Variants in ZNF528 observed in about 807,000 individuals in gnomAD.
The protein encoded by ZNF528 is zinc finger protein 528.
Under a neutral mutation model 13.3 loss-of-function variants are expected in ZNF528, and 9 were observed. The ratio of observed to expected loss-of-function variants is 0.67; its 90% CI spans 0.41 to 1.18. The LOEUF (loss-of-function observed/expected upper bound fraction) is 1.18, where lower values mean the gene tolerates loss of function less well. ZNF528 is among the 50% of genes most tolerant of loss of function. The probability of loss-of-function intolerance (pLI) is 0.01; values close to 1 mark genes in which losing one functional copy is unlikely to be tolerated. For synonymous variants in ZNF528, 264 were observed against 254.3 expected, an observed-to-expected ratio of 1.04 and a Z score of -0.36; for missense variants, 858 against 745.4, an observed-to-expected ratio of 1.15 and a Z score of -1.76.
chr19:52,400,604 C>T (rs540140222), intron 2 of ZNF528, among the ~76,000 whole-genome samples: 1 of 152,116 alleles, frequency 6.6e-6, no homozygotes, highest in African/African-American at 2.4e-5. Flanking sequence ...TCACCATAAC[C>T]TCAAACCCCT....
In ZNF528 at chr19:52,409,801, C is replaced by T. The variant is rs113755786; in HGVS notation, c.271+3158C>T. On this transcript the variant is annotated intron_variant, in intron 6 of 6. Coordinates refer to ENST00000360465, the MANE Select transcript of ZNF528 (RefSeq NM_032423.3). ...GCATGATCTTGTCTCACTTCAACCT[C>T]CACATCCAAGATTCAAGCAATTCTC... Among the ~76,000 whole-genome samples the T allele has an allele frequency of 7.6e-3, 1,162 of 152,174 alleles. 16 individuals are homozygous for T. Among genetic ancestry groups the T allele is most frequent in the African/African-American group, 0.027 (1,113 of 41,494 alleles).
At position 52,397,921 on chromosome 19, in the gene ZNF528, C is replaced by T. The variant is rs1242769063; in HGVS notation, c.-390+17C>T. On this transcript the variant is annotated intron_variant, in intron 1 of 6. Coordinates refer to ENST00000360465, the MANE Select transcript of ZNF528 (RefSeq NM_032423.3). ...CAGCAGTGCGTGAGTTTCCCTTTGT[C>T]TATGTTAAGTCTAGGCTAGCCAGTT... The T allele has an allele frequency of 2.0e-5, 3 of 152,232 alleles. No individual in the cohort carries two copies. Among genetic ancestry groups the T allele is most frequent in the African/African-American group, 2.4e-5 (1 of 41,460 alleles). The allele number at this position is 152,232 out of a possible 1,614,324, so 9.4% of individuals were successfully genotyped here.
Position 52,415,529 on chromosome 19 carries a change from C to G in ZNF528, c.677C>G (p.Ser226Ter). The G allele has an allele frequency of 1.2e-6, 2 of 1,614,142 alleles. 1 individual carries two copies. Residue 226 changes from serine (S) to a stop codon, truncating the protein, a stop_gained, in exon 7 of 7, where the codon TCA (serine) becomes TGA (stop). Coordinates refer to ENST00000360465, the MANE Select transcript of ZNF528 (RefSeq NM_032423.3). LOFTEE classifies it low-confidence loss of function (END_TRUNC). The stretch of plus-strand genomic sequence containing the variant: ...TGTGGCAAGGTCTTTAGTTGCAGTT[C>G]AAAGCTTGTGATACATCGAAGAATG... ...SECGKVFSCS[S>*]KLVIHRRMHT...
chr19:52,402,276 G>A (rs2058803588), intron 4 of ZNF528, among the ~76,000 whole-genome samples: 2 of 152,146 alleles, frequency 1.3e-5, no homozygotes, highest in African/African-American at 4.8e-5. Context: ...GGATGGAGAC[G>A]GGGTGTGGGT....
In ZNF528 at chr19:52,415,445, C is replaced by CT; in HGVS notation, c.594dup (p.Ala199CysfsTer5). On this transcript the variant is annotated frameshift_variant, in exon 7 of 7. Transcript: ENST00000360465. LOFTEE classifies it low-confidence loss of function (END_TRUNC). Reference sequence around the variant, plus strand: ...GAGCACGGCCAAGTCTTTAGAGCATCTGCAAGCCTTACTAACCAAGTAATC... The same window carrying CT: ...GAGCACGGCCAAGTCTTTAGAGCATCTTGCAAGCCTTACTAACCAAGTAATC... 6.2e-7 allele frequency: 1 copy of CT among 1,614,222 alleles called. No homozygotes were observed. Among genetic ancestry groups the CT allele is most frequent in the Non-Finnish European group, 8.5e-7 (1 of 1,180,038 alleles).
rs116266606 is a variant in ZNF528 at position 52,399,937 on chromosome 19, C to T, written c.-137+1318C>T. Among the ~76,000 whole-genome samples the T allele has an allele frequency of 8.7e-3, 1,332 of 152,242 alleles. 16 individuals carry two copies. The highest frequency in any genetic ancestry group is 0.031 in the African/African-American group (1,273 of 41,530). ...TGATCACTAAAGGTGAGGGATTCTC[C>T]TTTGGGTGTGAGAGTAGTAAAAACA... On this transcript the variant is annotated intron_variant, in intron 2 of 6. Coordinates refer to ENST00000360465, the MANE Select transcript of ZNF528 (RefSeq NM_032423.3).
chr19:52,415,575 C>T lies in ZNF528; in HGVS notation c.723C>T (p.Tyr241=). 1 of 1,614,174 alleles carries T rather than the reference C, an allele frequency of 6.2e-7. No individual in the cohort carries two copies. The highest frequency in any genetic ancestry group is 8.5e-7 in the Non-Finnish European group (1 of 1,180,026). The change falls in exon 7 of 7, where the codon TAC becomes TAT. Residue 241 remains tyrosine (Y), a synonymous_variant. Coordinates refer to ENST00000360465, the MANE Select transcript of ZNF528 (RefSeq NM_032423.3). The part of the protein sequence containing the change: ...HRRMHTGEKP[Y]KCHECGKLFS... ...GAATGCATACTGGAGAGAAGCCTTACAAATGTCATGAATGTGGCAAGCTCT... is the reference window on the plus strand; with the variant it reads ...GAATGCATACTGGAGAGAAGCCTTATAAATGTCATGAATGTGGCAAGCTCT...
rs1291807857 is a variant in ZNF528 at position 52,416,642 on chromosome 19, G to T, written c.1790G>T (p.Arg597Ile). 9 of 1,614,022 alleles carry T rather than the reference G, an allele frequency of 5.6e-6. No homozygotes were observed. Among genetic ancestry groups the T allele is most frequent in the African/African-American group, 1.3e-5 (1 of 74,912 alleles). Residue 597 changes from arginine to isoleucine, a missense_variant, in exon 7 of 7, where the codon AGA becomes ATA. Physicochemically the swap from Arg to Ile is moderately conservative, Grantham distance 97 (BLOSUM62 -3). Transcript: ENST00000360465. ...AAGTCTTCCCTCACCAATCACCATA[G>T]AATTCACATTGGAGAGAAACCTTAC... ...TQKSSLTNHHRIHIGEKPYKC... is the reference protein window; with the variant it reads ...TQKSSLTNHHIIHIGEKPYKC...
rs535114253 is a variant in ZNF528 at position 52,417,286 on chromosome 19, T to G, written c.*547T>G. ...CTTCATTAGCTGAGGATTATTTCTA[T>G]CCAATTTCCTGATGAAGGACATTGC... On this transcript the variant is annotated 3_prime_UTR_variant, in exon 7 of 7. Transcript: ENST00000360465. The G allele has an allele frequency of 3.9e-6, 1 of 256,672 alleles. No homozygotes were observed. Among genetic ancestry groups the G allele is most frequent in the Non-Finnish European group, 7.6e-6 (1 of 132,108 alleles). The allele number at this position is 256,672 out of a possible 1,614,324, so 15.9% of individuals were successfully genotyped here. A position where few individuals can be genotyped will look rare whatever the true frequency, so the allele number is the denominator to read the frequency against.
At chr19:52,411,074 C>T (rs1047999677) in intron 6 of ZNF528, among the ~76,000 whole-genome samples, 6 of 152,138 alleles carry the variant, frequency 3.9e-5, no homozygotes, top group African/African-American at 1.2e-4. Flanking sequence ...TGCTTTACAT[C>T]TCTGAGTAAT....
At position 52,418,158 on chromosome 19, in the gene ZNF528, T is replaced by C. The variant is rs2059022977; in HGVS notation, c.*1419T>C. ...TACCACCATACCCAGCTAATTTTTG[T>C]ATTTTTAGTAGAGATGGGGTTTCAC... On this transcript the variant is annotated 3_prime_UTR_variant, in exon 7 of 7. Transcript: ENST00000360465. 6.6e-6 allele frequency: 1 copy of C among 152,096 alleles called. No homozygotes were observed. Among genetic ancestry groups the C allele is most frequent in the Non-Finnish European group, 1.5e-5 (1 of 68,038 alleles). 9.4% of individuals were successfully genotyped at this position (152,096 alleles called of 1,614,324 possible).
chr19:52,402,466 G>T (rs1599815639), intron 4 of ZNF528: 1 of 193,682 alleles, frequency 5.2e-6, no homozygotes, highest in Non-Finnish European at 1.1e-5. Context: ...GCAGTGGCAT[G>T]ATCCCTGCTC....
intron 4 of ZNF528, among the ~76,000 whole-genome samples, chr19:52,402,828 T>C (rs912995995): frequency 2.0e-5 from 3 of 152,220 alleles, no homozygotes; most frequent in Non-Finnish European, 2.9e-5. Context: ...GTAAACTTAA[T>C]TAAATTTTGT....
At chr19:52,402,375 A>G (rs2058805117) in intron 4 of ZNF528, 1 of 350,730 alleles carries the variant, frequency 2.9e-6, no homozygotes, top group African/African-American at 2.1e-5. Context: ...AGAATTAGAG[A>G]AGCTGCACGT....
Position 52,416,016 on chromosome 19 carries a change from G to T in ZNF528, c.1164G>T (p.Lys388Asn). Residue 388 changes from lysine to asparagine, a missense_variant, in exon 7 of 7, where the codon AAG (lysine) becomes AAT (asparagine). Physicochemically the swap from Lys to Asn is moderately conservative, Grantham distance 94 (BLOSUM62 0). Coordinates refer to ENST00000360465, the MANE Select transcript of ZNF528 (RefSeq NM_032423.3). ...RKPYKCKECD[K>N]VFGRKCFLTS... ...CTTACAAATGTAAAGAATGTGACAA[G>T]GTCTTTGGGCGCAAGTGTTTCCTGA... 1 of 1,614,102 alleles carries T rather than the reference G, an allele frequency of 6.2e-7. No individual in the cohort carries two copies. The highest frequency in any genetic ancestry group is 8.5e-7 in the Non-Finnish European group (1 of 1,180,030).
intron 6 of ZNF528, chr19:52,413,301 G>A (rs1230358110): frequency 6.6e-6 from 1 of 152,186 alleles, no homozygotes; most frequent in African/African-American, 2.4e-5. Context: ...TGTCTAGCCT[G>A]GTTTGCACAC....
At position 52,415,710 on chromosome 19, in the gene ZNF528, A is replaced by G. The variant is rs2058992506; in HGVS notation, c.858A>G (p.Gln286=). Residue 286 remains glutamine, a synonymous_variant, in exon 7 of 7, where the codon CAA becomes CAG. Coordinates refer to ENST00000360465, the MANE Select transcript of ZNF528 (RefSeq NM_032423.3). ...KVFRSSSKLA[Q]HQRIHTGEKP... ...TTCGAAGCAGTTCAAAGCTTGCACA[A>G]CATCAAAGAATTCATACTGGAGAGA... 2 of 1,614,074 alleles carry G rather than the reference A, an allele frequency of 1.2e-6. No homozygotes were observed. Among genetic ancestry groups the G allele is most frequent in the South Asian group, 1.1e-5 (1 of 91,086 alleles).
Position 52,415,724 on chromosome 19 carries a change from A to G in ZNF528, c.872A>G (p.His291Arg), listed in dbSNP as rs780089488. ...AAGCTTGCACAACATCAAAGAATTC[A>G]TACTGGAGAGAAGCCTTACAAATGT... is the stretch of plus-strand genomic sequence containing the variant. ...SSKLAQHQRI[H>R]TGEKPYKCHE... The change falls in exon 7 of 7, where the codon CAT (histidine) becomes CGT (arginine). Residue 291 changes from histidine to arginine, a missense_variant. Physicochemically the swap from His to Arg is conservative, Grantham distance 29 (BLOSUM62 0). Transcript: ENST00000360465. 2.5e-6 allele frequency: 4 copies of G among 1,614,190 alleles called. No individual in the cohort carries two copies. The highest frequency in any genetic ancestry group is 3.4e-6 in the Non-Finnish European group (4 of 1,180,042).
intron 4 of ZNF528, among the ~76,000 whole-genome samples, chr19:52,404,182 G>A (rs1332196028): frequency 6.6e-6 from 1 of 152,122 alleles, no homozygotes; most frequent in Non-Finnish European, 1.5e-5. Flanking sequence ...TAGAATACAT[G>A]TGAAAGAGTT....
Sources: allele counts gnomAD v4.1 joint callset (sites outside exome capture counted in the v4.1 genomes callset), GRCh38; gene constraint gnomAD v4.1.1; transcripts MANE v1.5; gene names NCBI Gene and HGNC (gene_info 2026-07-23, HGNC 2026-07-21).